Variants in ATP8B4 observed in about 807,000 individuals in gnomAD.
ATP8B4 encodes the protein probable phospholipid-transporting ATPase IM.
ATP8B4 carries 133 observed loss-of-function variants against 145.6 expected under a neutral mutation model. That is an observed-to-expected ratio of 0.91 (90% CI 0.79 to 1.05). The LOEUF is 1.05. Among genes scored for constraint, ATP8B4 ranks in the 50% least tolerant of loss-of-function variants. ATP8B4 has a pLI of 0.00. For missense variants in ATP8B4, 1,458 were observed against 1,425.2 expected (o/e 1.02, Z -0.37); for synonymous variants, 507 against 492.9 (o/e 1.03, Z -0.38).
intron 3 of ATP8B4, among the ~76,000 whole-genome samples, chr15:50,054,321 G>A (rs569188816): frequency 2.0e-5 from 3 of 152,302 alleles, no homozygotes; most frequent in Admixed American, 2.0e-4. Flanking sequence ...ACTCTCAAAT[G>A]TAATGCTTCA....
intron 9 of ATP8B4, 52 bp downstream of exon 9, chr15:49,996,625 A>G: frequency 7.2e-7 from 1 of 1,391,256 alleles, no homozygotes; most frequent in South Asian, 1.3e-5. Flanking sequence ...ACTTTGTTGC[A>G]TTGCTTTTTG....
chr15:49,978,807 TAA>T (rs200893454), intron 12 of ATP8B4, among the ~76,000 whole-genome samples: 1,468 of 98,318 alleles, frequency 0.015, 31 homozygotes, highest in African/African-American at 0.068. Context: ...TGTATATAAA[TAA>T]AGAGGGGTGT....
chr15:49,944,277 A>C (rs2042390298), intron 14 of ATP8B4, among the ~76,000 whole-genome samples: 2 of 152,194 alleles, frequency 1.3e-5, no homozygotes, highest in African/African-American at 4.8e-5. Flanking sequence ...AAAGTGATTA[A>C]ATGGATTTTT....
upstream of ATP8B4, among the ~76,000 whole-genome samples, chr15:50,121,409 G>A (rs1481314500): frequency 6.6e-6 from 1 of 152,086 alleles, no homozygotes; most frequent in African/African-American, 2.4e-5. Flanking sequence ...CCTGGAGATG[G>A]ATAATGGTGA....
At chr15:50,028,937 G>A (rs1412632136) in intron 6 of ATP8B4, among the ~76,000 whole-genome samples, 2 of 151,996 alleles carry the variant, frequency 1.3e-5, no homozygotes, top group African/African-American at 2.4e-5. Context: ...CGAACCAACT[G>A]CTTTAAAACA....
At chr15:50,157,351 T>C (rs1007768986) in intron 1 of ATP8B4, among the ~76,000 whole-genome samples, 2 of 152,174 alleles carry the variant, frequency 1.3e-5, no homozygotes, top group African/African-American at 4.8e-5. Flanking sequence ...GCAGAAAAGA[T>C]GAGCCATGGA....
chr15:50,100,611 A>T (rs899116384), intron 2 of ATP8B4, among the ~76,000 whole-genome samples: 1 of 152,248 alleles, frequency 6.6e-6, no homozygotes, highest in Admixed American at 6.5e-5. Flanking sequence ...CCAGATCTAC[A>T]GAAACTGATG....
chr15:50,082,862 A>C (rs2054643131), intron 2 of ATP8B4, among the ~76,000 whole-genome samples: 1 of 152,354 alleles, frequency 6.6e-6, no homozygotes, highest in Non-Finnish European at 1.5e-5. Flanking sequence ...TGCTGTTATC[A>C]GCCCTACTTT....
intron 6 of ATP8B4, among the ~76,000 whole-genome samples, chr15:50,029,245 A>AAAAAAAAAAC (rs2050245419): frequency 2.7e-5 from 4 of 149,314 alleles, no homozygotes; most frequent in South Asian, 4.2e-4. Context: ...TCTTAAAAAA[A>AAAAAAAAAAC]AAAAAAAAAA....
intron 3 of ATP8B4, among the ~76,000 whole-genome samples, chr15:50,061,509 A>G (rs549513354): frequency 9.6e-4 from 147 of 152,348 alleles, no homozygotes; most frequent in African/African-American, 3.5e-3. Flanking sequence ...AACTATTCCA[A>G]TGTCAAAATA....
chr15:49,863,479 C>A (rs2032220792), intron 26 of ATP8B4, among the ~76,000 whole-genome samples: 1 of 152,190 alleles, frequency 6.6e-6, no homozygotes. Flanking sequence ...CCAAAATAAA[C>A]TTTTGTCCCT....
intron 11 of ATP8B4, among the ~76,000 whole-genome samples, chr15:49,980,033 C>T (rs946854211): frequency 6.6e-6 from 1 of 152,146 alleles, no homozygotes; most frequent in African/African-American, 2.4e-5. Flanking sequence ...AAGATGGGAA[C>T]AGTCATTATC....
intron 14 of ATP8B4, among the ~76,000 whole-genome samples, chr15:49,958,977 AGC>A: frequency 6.6e-6 from 1 of 152,054 alleles, no homozygotes; most frequent in Non-Finnish European, 1.5e-5. Context: ...ATGTTTCTAA[AGC>A]AAATATAACA....
intron 2 of ATP8B4, among the ~76,000 whole-genome samples, chr15:50,077,413 G>A (rs1057041149): frequency 2.6e-5 from 4 of 152,122 alleles, no homozygotes; most frequent in African/African-American, 7.2e-5. Context: ...TTTGAAGAAA[G>A]CCTAGAGAAT....
intron 14 of ATP8B4, among the ~76,000 whole-genome samples, chr15:49,942,779 C>T (rs777581748): frequency 2.6e-4 from 39 of 151,784 alleles, no homozygotes; most frequent in Non-Finnish European, 3.8e-4. Flanking sequence ...GAGCCGAGAT[C>T]GCGCCACTGC....
chr15:50,018,902 C>T (rs1718818991), intron 6 of ATP8B4: 1 of 1,245,104 alleles, frequency 8.0e-7, no homozygotes, highest in Admixed American at 2.3e-5. Flanking sequence ...TTTCTCAGGA[C>T]CAGGATAAAT....
rs998257243 is a variant in ATP8B4 at position 49,910,120 on chromosome 15, G to A, written c.2141+6814C>T. ...AAATGAAAAAAACAATTCAGGATAT[G>A]ATTGAGAAATTTACCAAAGAGGTAG... On this transcript the variant is annotated intron_variant, in intron 20 of 27. Coordinates refer to ENST00000284509, the MANE Select transcript of ATP8B4 (RefSeq NM_024837.4). Among the ~76,000 whole-genome samples, 3 of 152,224 alleles carry A rather than the reference G, an allele frequency of 2.0e-5. No individual in the cohort carries two copies. In the South Asian group the frequency reaches 6.2e-4, roughly 32 times the overall value.
intron 16 of ATP8B4, among the ~76,000 whole-genome samples, chr15:49,924,490 G>A (rs867186372): frequency 6.6e-6 from 1 of 152,174 alleles, no homozygotes; most frequent in Middle Eastern, 3.4e-3. Context: ...TATCTACAAA[G>A]AGAATGCCTC....
intron 14 of ATP8B4, among the ~76,000 whole-genome samples, chr15:49,956,885 G>A (rs2043615451): frequency 6.6e-6 from 1 of 151,818 alleles, no homozygotes; most frequent in East Asian, 1.9e-4. Context: ...GAAATTAGAG[G>A]GTGAACTTCA....
Sources: gnomAD v4.1 joint callset for allele counts (sites outside exome capture counted in the v4.1 genomes callset) on GRCh38, gnomAD v4.1.1 for gene constraint, MANE v1.5 for transcripts, NCBI Gene and HGNC (gene_info 2026-07-23, HGNC 2026-07-21) for gene names.